MYO16: variants seen among roughly 807,000 people sequenced by gnomAD.
MYO16 encodes the protein myosin XVI.
A neutral mutation model predicts 205.3 loss-of-function variants in MYO16; 94 were observed. The ratio of observed to expected loss-of-function variants is 0.46; its 90% CI spans 0.39 to 0.54. The LOEUF is 0.54. MYO16 is among the 20% of genes least tolerant of loss of function. MYO16 has a pLI of 0.00. For missense variants in MYO16, 2,315 were observed against 2,387.5 expected (o/e 0.97, Z 0.63); for synonymous variants, 988 against 954.0 (o/e 1.04, Z -0.66).
intron 1 of MYO16, among the ~76,000 whole-genome samples, chr13:108,639,020 A>G (rs1880384335): frequency 6.6e-6 from 1 of 152,188 alleles, no homozygotes; most frequent in African/African-American, 2.4e-5. Flanking sequence ...ATGGAGAAAG[A>G]AGAACAATGT....
chr13:109,163,366 G>C (rs573395438), intron 32 of MYO16, among the ~76,000 whole-genome samples: 2 of 152,238 alleles, frequency 1.3e-5, no homozygotes, highest in South Asian at 4.2e-4. Flanking sequence ...TGTCTCGAGA[G>C]GCAAGAGGAG....
At chr13:108,938,512 A>T (rs1295943346) in intron 16 of MYO16, among the ~76,000 whole-genome samples, 1 of 152,344 alleles carries the variant, frequency 6.6e-6, no homozygotes, top group South Asian at 2.1e-4. Context: ...CTCAGTGCCT[A>T]GAAATGGAGC....
intron 4 of MYO16, among the ~76,000 whole-genome samples, chr13:108,744,723 T>C (rs1160977230): frequency 6.6e-6 from 1 of 152,232 alleles, no homozygotes; most frequent in Non-Finnish European, 1.5e-5. Flanking sequence ...AAGTTGACCA[T>C]AGAAGGAAAC....
chr13:108,910,998 G>A (rs887031094), intron 16 of MYO16, among the ~76,000 whole-genome samples: 2 of 150,572 alleles, frequency 1.3e-5, no homozygotes, highest in Non-Finnish European at 3.0e-5. Context: ...ACAATTTTAG[G>A]AGAACTTTTG....
chr13:109,153,517 G>A (rs1877800394), intron 32 of MYO16, among the ~76,000 whole-genome samples: 2 of 152,120 alleles, frequency 1.3e-5, no homozygotes, highest in African/African-American at 2.4e-5. Context: ...TCAACACTTT[G>A]GGAAGCCAAG....
chr13:108,972,205 GTCTCTC>G (rs749547949), intron 20 of MYO16, among the ~76,000 whole-genome samples: 11 of 11,140 alleles, frequency 9.9e-4, no homozygotes, highest in Admixed American at 1.3e-3. Context: ...CTGAGACCCT[GTCTCTC>G]TCTCTCTCTC....
Position 109,022,595 on chromosome 13 carries a change from A to G in MYO16, c.2796+2684A>G, listed in dbSNP as rs1481282578. Among the ~76,000 whole-genome samples, 31 of 132,508 alleles carry G rather than the reference A, an allele frequency of 2.3e-4. 2 individuals are homozygous for G. Among genetic ancestry groups the G allele is most frequent in the African/African-American group, 8.4e-4 (29 of 34,580 alleles). The allele number at this position is 132,508 out of a possible 152,430, so 86.9% of individuals were successfully genotyped here. A position where few individuals can be genotyped will look rare whatever the true frequency, so the allele number is the denominator to read the frequency against. Reference sequence around the variant, plus strand: ...TATAAACATATGTATATATTTCTATATTCTATATACGCATATAAACATATG... The same window carrying G: ...TATAAACATATGTATATATTTCTATGTTCTATATACGCATATAAACATATG... On this transcript the variant is annotated intron_variant, in intron 23 of 34. Coordinates refer to ENST00000457511, the MANE Select transcript of MYO16 (RefSeq NM_001198950.3).
rs147462257 is a variant in MYO16, at chr13:108,965,908, G to C, written c.2369+1006G>C. On this transcript the variant is annotated intron_variant, in intron 20 of 34. Coordinates refer to ENST00000457511, the MANE Select transcript of MYO16 (RefSeq NM_001198950.3). Reference sequence around the variant, plus strand: ...AAACCTGAGAATTTCTTAGTCATCCGTATAGACTTCTTAAATTTAAATTAA... The same window carrying C: ...AAACCTGAGAATTTCTTAGTCATCCCTATAGACTTCTTAAATTTAAATTAA... 1.9e-3 allele frequency among the ~76,000 whole-genome samples: 290 copies of C among 152,232 alleles called. 2 individuals are homozygous for C. Among genetic ancestry groups the C allele is most frequent in the African/African-American group, 6.8e-3 (281 of 41,538 alleles).
At chr13:108,748,579 T>C (rs1165831788) in intron 4 of MYO16, among the ~76,000 whole-genome samples, 1 of 152,064 alleles carries the variant, frequency 6.6e-6, no homozygotes, top group African/African-American at 2.4e-5. Flanking sequence ...AAAATGCTTA[T>C]TATAAGACTA....
intron 6 of MYO16, among the ~76,000 whole-genome samples, chr13:108,795,487 T>C (rs553371848): frequency 9.2e-5 from 14 of 152,284 alleles, no homozygotes; most frequent in East Asian, 3.9e-4. Context: ...GGATTACAGG[T>C]GTGAGTTACC....
At chr13:108,938,119 C>A (rs537748958) in intron 16 of MYO16, among the ~76,000 whole-genome samples, 1 of 151,888 alleles carries the variant, frequency 6.6e-6, no homozygotes, top group Admixed American at 6.6e-5. Context: ...TTTCCTCTCC[C>A]TTTTCCCCCT....
chr13:108,730,977 T>C (rs1050153539), intron 4 of MYO16, among the ~76,000 whole-genome samples: 3 of 152,222 alleles, frequency 2.0e-5, no homozygotes, highest in Non-Finnish European at 4.4e-5. Flanking sequence ...TATACTTGTT[T>C]AAATAATGAC....
chr13:109,022,671 T>C (rs1490838825), intron 23 of MYO16, among the ~76,000 whole-genome samples: 1 of 65,126 alleles, frequency 1.5e-5, no homozygotes, highest in Non-Finnish European at 3.3e-5. Flanking sequence ...TTATATATTA[T>C]ATATACACAT....
At chr13:108,827,220 A>G (rs1876321682) in intron 9 of MYO16, among the ~76,000 whole-genome samples, 1 of 152,122 alleles carries the variant, frequency 6.6e-6, no homozygotes, top group Non-Finnish European at 1.5e-5. Context: ...CCAGCTTCCT[A>G]TTCCTTTGCA....
At chr13:108,630,202 T>C (rs887621300) in intron 1 of MYO16, among the ~76,000 whole-genome samples, 1 of 151,842 alleles carries the variant, frequency 6.6e-6, no homozygotes, top group Non-Finnish European at 1.5e-5. Context: ...TTTTTGCTCA[T>C]TGGCACATGT....
At chr13:108,639,724 C>T (rs1880416407) in intron 1 of MYO16, among the ~76,000 whole-genome samples, 1 of 152,188 alleles carries the variant, frequency 6.6e-6, no homozygotes, top group African/African-American at 2.4e-5. Context: ...GGAGCAGTGG[C>T]ACAGTCTGGG....
the MYO16 span, among the ~76,000 whole-genome samples, chr13:108,577,654 T>A: frequency 8.5e-5 from 13 of 152,228 alleles, no homozygotes; most frequent in Non-Finnish European, 1.8e-4. Flanking sequence ...CCTGAAATAG[T>A]GTTTTCTCTC....
At chr13:108,701,595 T>C (rs891101335) in intron 2 of MYO16, among the ~76,000 whole-genome samples, 4 of 152,164 alleles carry the variant, frequency 2.6e-5, no homozygotes, top group African/African-American at 9.7e-5. Flanking sequence ...AACCAGTCTG[T>C]GCATTCTGTT....
At chr13:108,724,519 G>A (rs945926033) in intron 3 of MYO16, among the ~76,000 whole-genome samples, 10 of 152,026 alleles carry the variant, frequency 6.6e-5, no homozygotes, top group African/African-American at 1.9e-4. Context: ...TATATGTTTG[G>A]TTGAAATCTA....
Sources: allele counts gnomAD v4.1 joint callset (sites outside exome capture counted in the v4.1 genomes callset), GRCh38; gene constraint gnomAD v4.1.1; transcripts MANE v1.5; gene names NCBI Gene and HGNC (gene_info 2026-07-23, HGNC 2026-07-21).